Variants in DLG3 observed in about 807,000 individuals in gnomAD.
DLG3 encodes the protein disks large homolog 3.
DLG3 carries 1 observed loss-of-function variant against 64.1 expected under a neutral mutation model. The ratio of observed to expected loss-of-function variants is 0.02; its 90% CI spans 0.01 to 0.07. The LOEUF (loss-of-function observed/expected upper bound fraction) is 0.07, where lower values mean the gene tolerates loss of function less well. Ranked by LOEUF, DLG3 falls within the 10% of genes least tolerant of loss-of-function variation. The probability of loss-of-function intolerance (pLI) is 1.00; values close to 1 mark genes in which losing one functional copy is unlikely to be tolerated. For synonymous variants in DLG3, 245 were observed against 259.8 expected, an observed-to-expected ratio of 0.94 and a Z score of 0.55; for missense variants, 429 against 669.5, an observed-to-expected ratio of 0.64 and a Z score of 3.96.
At chrX:70,445,994 A>G (rs1470016262) in intron 1 of DLG3, among the ~76,000 whole-genome samples, 1 of 108,696 alleles carries the variant, frequency 9.2e-6, no homozygotes, top group African/African-American at 3.4e-5. Flanking sequence ...GGGTGTGTGG[A>G]GGAAGGCAAT....
intron 10 of DLG3, among the ~76,000 whole-genome samples, chrX:70,491,106 T>C (rs1260339994): frequency 2.7e-5 from 3 of 111,128 alleles, no homozygotes; most frequent in Non-Finnish European, 5.7e-5. Context: ...AGAGATGGGG[T>C]TTCACCATAT....
rs1202257436 is a variant in DLG3, at chrX:70,454,254, C to G, written c.1343C>G (p.Ala448Gly). The G allele has an allele frequency of 8.3e-7, 1 of 1,209,850 alleles. No individual in the cohort carries two copies. The highest frequency in any genetic ancestry group is 1.7e-5 in the African/African-American group (1 of 57,207). The change falls in exon 9 of 19, where the codon GCT (alanine) becomes GGT (glycine). Residue 448 changes from alanine (A) to glycine (G), a missense_variant. Ala to Gly is a moderately conservative substitution (Grantham distance 60, BLOSUM62 0). This residue lies in a region of DLG3 where 46 missense variants were observed against 52.3 expected (regional missense o/e 0.88). Transcript: ENST00000374360. ...CTGAGGAATGCAACTCATGAGCAGGCTGCAGCTGCTCTGAAACGGGCCGGC... is the reference window on the plus strand; with the variant it reads ...CTGAGGAATGCAACTCATGAGCAGGGTGCAGCTGCTCTGAAACGGGCCGGC... ...VNLRNATHEQ[A>G]AAALKRAGQS...
At chrX:70,464,481 G>C (rs2086855682) in intron 9 of DLG3, among the ~76,000 whole-genome samples, 1 of 110,498 alleles carries the variant, frequency 9.0e-6, no homozygotes, top group Non-Finnish European at 1.9e-5. Context: ...GGCTGGTCTT[G>C]AACTCCTGAG....
At chrX:70,450,139 C>G (rs751981534) in intron 4 of DLG3, 30 bp from the exon 5 acceptor site, 1 of 1,209,695 alleles carries the variant, frequency 8.3e-7, no homozygotes, top group Non-Finnish European at 1.1e-6. Flanking sequence ...CCTTGTGGCC[C>G]TCTCCCACCT....
intron 9 of DLG3, among the ~76,000 whole-genome samples, chrX:70,474,568 G>A: frequency 9.0e-6 from 1 of 110,529 alleles, no homozygotes; most frequent in South Asian, 3.9e-4. Flanking sequence ...GTCAAATTAG[G>A]TAGATACTTA....
chrX:70,450,492 C>G (rs755264000), intron 5 of DLG3, 147 bp from the exon 6 acceptor site: 30 of 906,893 alleles, frequency 3.3e-5, no homozygotes, highest in Middle Eastern at 3.7e-4. Flanking sequence ...CTTGCCCTAT[C>G]CCCTACCTCC....
rs1011821410 is a variant in DLG3 at position 70,497,095 on chromosome X, G to A, written c.1820-1425G>A. 27 of 985,866 alleles carry A rather than the reference G, an allele frequency of 2.7e-5. No individual in the cohort carries two copies. In the Admixed American group the frequency reaches 2.9e-4, roughly 11 times the overall value. The allele number at this position is 985,866 out of a possible 1,213,427, so 81.2% of individuals were successfully genotyped here. On this transcript the variant is annotated intron_variant, in intron 13 of 18. Coordinates refer to ENST00000374360, the MANE Select transcript of DLG3 (RefSeq NM_021120.4). ...GACTCAGTTGGCAGCTCAGTGTCTC[G>A]CTCCTGGAGCATTTGAGTTTTGTGC... is the stretch of plus-strand genomic sequence containing the variant.
intron 9 of DLG3, among the ~76,000 whole-genome samples, chrX:70,472,521 C>G (rs2086987389): frequency 9.0e-6 from 1 of 111,436 alleles, no homozygotes; most frequent in South Asian, 3.8e-4. Flanking sequence ...CACCACTGCA[C>G]TCCAGCCTGG....
At chrX:70,448,783 G>A in intron 1 of DLG3, 130 bp from the exon 2 acceptor site, 1 of 971,867 alleles carries the variant, frequency 1.0e-6, no homozygotes, top group Non-Finnish European at 1.4e-6. Flanking sequence ...CTCATCTGTG[G>A]CCAAGAGGTG....
At chrX:70,451,503 T>G (rs988515662) in intron 6 of DLG3, among the ~76,000 whole-genome samples, 1 of 111,794 alleles carries the variant, frequency 8.9e-6, no homozygotes, top group African/African-American at 3.3e-5. Context: ...TGTGCTGCCT[T>G]CCTCATAGGA....
intron 9 of DLG3, among the ~76,000 whole-genome samples, chrX:70,464,785 A>G (rs80217005): frequency 9.0e-6 from 1 of 111,311 alleles, no homozygotes; most frequent in Non-Finnish European, 1.9e-5. Context: ...GTGAAACCCC[A>G]TCTCTACTAA....
Position 70,445,075 on chromosome X carries a change from C to T in DLG3, c.-127C>T. ...CCCGGGCGCCCCCACGGGTGCCCCC[C>T]CCTTCTTGGTCCGAGCAGTGTGAGT... On this transcript the variant is annotated 5_prime_UTR_variant, in exon 1 of 19. Coordinates refer to ENST00000374360, the MANE Select transcript of DLG3 (RefSeq NM_021120.4). The T allele has an allele frequency of 4.0e-6, 2 of 501,510 alleles. No homozygotes were observed. Among genetic ancestry groups the T allele is most frequent in the Admixed American group, 5.4e-5 (1 of 18,393 alleles). 41.3% of individuals were successfully genotyped at this position (501,510 alleles called of 1,213,427 possible). A position where few individuals can be genotyped will look rare whatever the true frequency, so the allele number is the denominator to read the frequency against.
At chrX:70,486,650 C>CT (rs371561978) in intron 10 of DLG3, among the ~76,000 whole-genome samples, 11,682 of 71,536 alleles carry the variant, frequency 0.16, 1,075 homozygotes, top group Admixed American at 0.27. Flanking sequence ...ATACCTTTTG[C>CT]TTTTTTTTTT....
At chrX:70,455,149 CCTCCCCTCCTCCCGCGCGCCCCG>C in intron 9 of DLG3, 1 of 750,949 alleles carries the variant, frequency 1.3e-6, no homozygotes, top group Non-Finnish European at 1.6e-6. Context: ...CCTCCTCTCT[CCTCCCCTCCTCCCGCGCGCCCCG>C]CTTTGTGTCC....
intron 9 of DLG3, among the ~76,000 whole-genome samples, chrX:70,478,576 G>C (rs192240672): frequency 1.8e-5 from 2 of 111,678 alleles, no homozygotes; most frequent in African/African-American, 6.5e-5. Flanking sequence ...TGGTTGTTAC[G>C]GTTGTGAGGT....
At chrX:70,476,259 A>T (rs2087053491) in intron 9 of DLG3, among the ~76,000 whole-genome samples, 1 of 112,096 alleles carries the variant, frequency 8.9e-6, no homozygotes, top group South Asian at 3.7e-4. Context: ...AAAACAAAGC[A>T]GTTTAGTAGA....
chrX:70,492,815 C>G (rs1470120367), intron 12 of DLG3, among the ~76,000 whole-genome samples: 2 of 112,087 alleles, frequency 1.8e-5, no homozygotes, highest in African/African-American at 6.5e-5. Context: ...GGTACCGGCT[C>G]TTGAAGATGT....
chrX:70,452,785 T>A, intron 7 of DLG3: 1 of 1,130,445 alleles, frequency 8.8e-7, no homozygotes, highest in Non-Finnish European at 1.2e-6. Flanking sequence ...AGCAAGAGCA[T>A]CCGGGACTCA....
At chrX:70,495,661 T>C (rs1423171108) in intron 13 of DLG3, among the ~76,000 whole-genome samples, 1 of 111,788 alleles carries the variant, frequency 8.9e-6, no homozygotes, top group Admixed American at 9.5e-5. Context: ...TCCATATCAT[T>C]CATGCCTTTG....
Sources: gnomAD v4.1 joint callset for allele counts (sites outside exome capture counted in the v4.1 genomes callset) on GRCh38, gnomAD v4.1.1 for gene constraint, gnomAD v4.1.1 regional missense constraint, MANE v1.5 for transcripts, NCBI Gene and HGNC (gene_info 2026-07-23, HGNC 2026-07-21) for gene names.